Variants in DCLK1 observed in about 807,000 individuals in gnomAD.
DCLK1 encodes the protein doublecortin like kinase 1.
DCLK1 carries 16 observed loss-of-function variants against 86.2 expected under a neutral mutation model. The ratio of observed to expected loss-of-function variants is 0.19; its 90% CI spans 0.13 to 0.28. The LOEUF (loss-of-function observed/expected upper bound fraction) is 0.28. Among genes scored for constraint, DCLK1 ranks in the 10% least tolerant of loss-of-function variants. The pLI is 1.00. For synonymous variants in DCLK1, 369 were observed against 370.5 expected (o/e 1.00, Z 0.05); for missense variants, 590 against 940.2 (o/e 0.63, Z 4.87).
At chr13:35,993,279 C>T (rs1384199080) in intron 3 of DCLK1, among the ~76,000 whole-genome samples, 2 of 152,214 alleles carry the variant, frequency 1.3e-5, no homozygotes, top group Non-Finnish European at 2.9e-5. Context: ...CTACATGACG[C>T]TCCAGCAACA....
intron 3 of DCLK1, among the ~76,000 whole-genome samples, chr13:35,961,121 A>G (rs1047314301): frequency 1.3e-5 from 2 of 152,220 alleles, no homozygotes; most frequent in Non-Finnish European, 2.9e-5. Context: ...TTAAAACTCA[A>G]TTCCATGAAT....
chr13:36,111,918 T>A lies in DCLK1; in HGVS notation c.674A>T (p.Lys225Met). The change falls in exon 3 of 17, where the codon AAG (lysine) becomes ATG (methionine). Residue 225 changes from lysine to methionine, a missense_variant. Transcript: ENST00000360631. ...QVLTDITDAI[K>M]LDSGVVKRLY... ...GCGTTTCACCACTCCCGAGTCCAGC[T>A]TGATGGCATCGGTGATATCGGTGAG... The A allele has an allele frequency of 6.2e-7, 1 of 1,614,242 alleles. No homozygotes were observed. Among genetic ancestry groups the A allele is most frequent in the Non-Finnish European group, 8.5e-7 (1 of 1,180,044 alleles).
intron 3 of DCLK1, among the ~76,000 whole-genome samples, chr13:36,102,959 C>G (rs974664486): frequency 6.6e-5 from 10 of 152,168 alleles, no homozygotes; most frequent in African/African-American, 2.4e-4. Flanking sequence ...AATGAAATAA[C>G]AAAGTTAGAG....
chr13:35,845,409 CTATA>C (rs1445470996), intron 6 of DCLK1, among the ~76,000 whole-genome samples: 1 of 152,098 alleles, frequency 6.6e-6, no homozygotes, highest in Non-Finnish European at 1.5e-5. Flanking sequence ...ATTTTTAAAA[CTATA>C]TATTTATCCA....
chr13:35,963,424 A>G (rs925373201), intron 3 of DCLK1, among the ~76,000 whole-genome samples: 2 of 152,166 alleles, frequency 1.3e-5, no homozygotes, highest in African/African-American at 4.8e-5. Context: ...CATAATAGGA[A>G]GCTTTGCTTG....
At chr13:36,028,858 G>A (rs983986578) in intron 3 of DCLK1, among the ~76,000 whole-genome samples, 1 of 152,146 alleles carries the variant, frequency 6.6e-6, no homozygotes, top group African/African-American at 2.4e-5. Context: ...TTCCATCAGT[G>A]CCATGACATT....
intron 3 of DCLK1, among the ~76,000 whole-genome samples, chr13:36,053,773 C>T (rs150039856): frequency 2.2e-4 from 33 of 152,034 alleles, no homozygotes; most frequent in African/African-American, 7.2e-4. Flanking sequence ...CTTCTAAGCA[C>T]AAACATTAAG....
At chr13:36,096,735 C>T (rs1442312260) in intron 3 of DCLK1, among the ~76,000 whole-genome samples, 1 of 152,098 alleles carries the variant, frequency 6.6e-6, no homozygotes, top group Non-Finnish European at 1.5e-5. Flanking sequence ...GAAACCTAAT[C>T]AGCTTATAAA....
At position 35,900,604 on chromosome 13, in the gene DCLK1, T is replaced by C. The variant is rs554419408; in HGVS notation, c.824-29264A>G. 2.0e-5 allele frequency among the ~76,000 whole-genome samples: 3 copies of C among 152,352 alleles called. No homozygotes were observed. In the South Asian group the frequency reaches 6.2e-4, roughly 32 times the overall value. On this transcript the variant is annotated intron_variant, in intron 4 of 16. Coordinates refer to ENST00000360631, the MANE Select transcript of DCLK1 (RefSeq NM_001330071.2). ...GCTCTGTCTGAGCATTGCGCAAGCT[T>C]ACACTACTTTACAGCAGTGTTTCTC...
At position 35,919,505 on chromosome 13, in the gene DCLK1, G is replaced by A. The variant is rs530732621; in HGVS notation, c.823+27853C>T. Among the ~76,000 whole-genome samples the A allele has an allele frequency of 2.0e-5, 3 of 152,300 alleles. No homozygotes were observed. In the East Asian group the frequency reaches 5.8e-4, roughly 29 times the overall value. Reference sequence around the variant, plus strand: ...CAGTGGGGCTGCTCCGGCTGAAGGAGAGGGTTTTTATTTTGGCTGCAAACT... The same window carrying A: ...CAGTGGGGCTGCTCCGGCTGAAGGAAAGGGTTTTTATTTTGGCTGCAAACT... On this transcript the variant is annotated intron_variant, in intron 4 of 16. Transcript: ENST00000360631.
intron 3 of DCLK1, among the ~76,000 whole-genome samples, chr13:35,985,233 C>T (rs927051169): frequency 6.6e-6 from 1 of 152,156 alleles, no homozygotes; most frequent in Non-Finnish European, 1.5e-5. Flanking sequence ...GTGTGGAAAG[C>T]CAATAAGCCC....
At chr13:35,780,087 T>C (rs1305016822) in intron 16 of DCLK1, among the ~76,000 whole-genome samples, 1 of 152,186 alleles carries the variant, frequency 6.6e-6, no homozygotes, top group African/African-American at 2.4e-5. Flanking sequence ...GCAGCTTTAC[T>C]ATTTTTTTAG....
chr13:35,900,718 C>T (rs1422299936), intron 4 of DCLK1, among the ~76,000 whole-genome samples: 1 of 152,140 alleles, frequency 6.6e-6, no homozygotes, highest in Non-Finnish European at 1.5e-5. Flanking sequence ...GGCCTCTATC[C>T]ACCAGATGCC....
At chr13:36,124,193 T>C (rs1886089756) in intron 2 of DCLK1, among the ~76,000 whole-genome samples, 1 of 152,238 alleles carries the variant, frequency 6.6e-6, no homozygotes, top group Non-Finnish European at 1.5e-5. Flanking sequence ...GTATAACTTT[T>C]ATCCAGATCC....
chr13:35,886,233 G>A (rs1469955158), intron 4 of DCLK1, among the ~76,000 whole-genome samples: 1 of 152,008 alleles, frequency 6.6e-6, no homozygotes, highest in Admixed American at 6.6e-5. Context: ...GAATGGTCTT[G>A]ATCTCCTGAC....
At chr13:35,896,994 C>T (rs551062614) in intron 4 of DCLK1, among the ~76,000 whole-genome samples, 1 of 152,226 alleles carries the variant, frequency 6.6e-6, no homozygotes, top group East Asian at 1.9e-4. Context: ...CCCCAGGCTA[C>T]AGGACAGCAT....
chr13:35,788,276 C>T (rs1424118506), intron 16 of DCLK1: 1 of 1,613,842 alleles, frequency 6.2e-7, no homozygotes, highest in Admixed American at 1.7e-5. Flanking sequence ...ATGGTAAACC[C>T]GTGGTCCAGC....
chr13:35,941,674 G>A (rs1435584315), intron 4 of DCLK1, among the ~76,000 whole-genome samples: 1 of 151,816 alleles, frequency 6.6e-6, no homozygotes, highest in African/African-American at 2.4e-5. Context: ...AATGACTTCA[G>A]AATTATAAAC....
chr13:36,091,451 C>G (rs753446044), intron 3 of DCLK1, among the ~76,000 whole-genome samples: 6 of 152,150 alleles, frequency 3.9e-5, no homozygotes, highest in Non-Finnish European at 5.9e-5. Flanking sequence ...CCATAACTCA[C>G]CCATCTTCAT....
Sources: gnomAD v4.1 joint callset for allele counts (sites outside exome capture counted in the v4.1 genomes callset) on GRCh38, gnomAD v4.1.1 for gene constraint, MANE v1.5 for transcripts, NCBI Gene and HGNC (gene_info 2026-07-23, HGNC 2026-07-21) for gene names.